ULK4: variants seen among roughly 807,000 people sequenced by gnomAD.
ULK4 encodes unc-51 like kinase 4.
In ULK4, 133 loss-of-function variants were observed where a neutral mutation model predicts 160.6. The observed-to-expected ratio is 0.83, with a 90% CI of 0.72 to 0.96. ULK4 has a LOEUF of 0.96. Ranked by LOEUF, ULK4 falls within the 40% of genes least tolerant of loss-of-function variation. The pLI is 0.00. For missense variants in ULK4, 1,580 were observed against 1,499.5 expected (o/e 1.05, Z -0.89); for synonymous variants, 534 against 539.8 (o/e 0.99, Z 0.15).
intron 17 of ULK4, among the ~76,000 whole-genome samples, chr3:41,874,495 C>T (rs1054669263): frequency 2.6e-5 from 4 of 152,146 alleles, no homozygotes; most frequent in African/African-American, 2.4e-5. Flanking sequence ...TTTTAAAGAA[C>T]TAAATCATAA....
Position 41,398,201 on chromosome 3 carries a change from G to T in ULK4, c.3556C>A (p.Leu1186Met). 1 of 1,613,366 alleles carries T rather than the reference G, an allele frequency of 6.2e-7. No homozygotes were observed. The highest frequency in any genetic ancestry group is 8.5e-7 in the Non-Finnish European group (1 of 1,179,628). ...SSKCLSILVQ[L>M]YGGENPDSLS... ...CTGTCCGGGTTTTCCCCTCCATACAGCTGAACCAGTATAGACAGGCACTTG... is the reference window on the plus strand; with the variant it reads ...CTGTCCGGGTTTTCCCCTCCATACATCTGAACCAGTATAGACAGGCACTTG... The change falls in exon 35 of 37, where the codon CTG (leucine) becomes ATG (methionine). Residue 1186 changes from leucine (L) to methionine (M), a missense_variant. Transcript: ENST00000301831.
Position 41,896,954 on chromosome 3 carries a change from T to A in ULK4, c.1398A>T (p.Gln466His). The A allele has an allele frequency of 6.2e-7, 1 of 1,613,136 alleles. No homozygotes were observed. Among genetic ancestry groups the A allele is most frequent in the Non-Finnish European group, 8.5e-7 (1 of 1,179,810 alleles). The part of the protein sequence containing the change: ...LKDQDWNDFL[Q>H]QVCSQIDSTE... Reference sequence around the variant, plus strand: ...TGGAGTCGATCTGCGAGCACACTTGTTGCAAAAAGTCATTCCAATCTTGAT... The same window carrying A: ...TGGAGTCGATCTGCGAGCACACTTGATGCAAAAAGTCATTCCAATCTTGAT... Residue 466 changes from glutamine (Q) to histidine (H), a missense_variant, in exon 15 of 37, where the codon CAA becomes CAT. Transcript: ENST00000301831.
intron 25 of ULK4, among the ~76,000 whole-genome samples, chr3:41,710,076 TA>T (rs2037039851): frequency 6.6e-6 from 1 of 152,194 alleles, no homozygotes; most frequent in Admixed American, 6.5e-5. Flanking sequence ...TGCGACTTTT[TA>T]ACCACTCACA....
chr3:41,371,351 G>GAGAT (rs1322583466), intron 35 of ULK4, among the ~76,000 whole-genome samples: 4 of 152,162 alleles, frequency 2.6e-5, no homozygotes, highest in Non-Finnish European at 5.9e-5. Flanking sequence ...TCCTGATGGG[G>GAGAT]AGATACCTCA....
intron 21 of ULK4, among the ~76,000 whole-genome samples, chr3:41,767,857 C>A (rs2039218658): frequency 6.6e-6 from 1 of 152,094 alleles, no homozygotes; most frequent in African/African-American, 2.4e-5. Context: ...AAACTTACCT[C>A]AAAGGGATGA....
At chr3:41,365,452 C>G (rs1044710073) in intron 35 of ULK4, among the ~76,000 whole-genome samples, 5 of 152,134 alleles carry the variant, frequency 3.3e-5, no homozygotes, top group Admixed American at 6.5e-5. Context: ...AATGTTTTTG[C>G]TGCAGCCAGA....
chr3:41,794,550 A>C (rs900856659), intron 20 of ULK4, among the ~76,000 whole-genome samples: 1 of 150,616 alleles, frequency 6.6e-6, no homozygotes, highest in African/African-American at 2.4e-5. Flanking sequence ...AATCTCAACT[A>C]CTTAGGAGGC....
chr3:41,877,936 G>A (rs1347159475), intron 17 of ULK4, among the ~76,000 whole-genome samples: 8 of 152,118 alleles, frequency 5.3e-5, no homozygotes, highest in East Asian at 3.9e-4. Context: ...AGCCGAGATC[G>A]CGCCGTCGCA....
At chr3:41,332,470 G>C (rs1160953643) in intron 35 of ULK4, among the ~76,000 whole-genome samples, 2 of 152,124 alleles carry the variant, frequency 1.3e-5, no homozygotes, top group Non-Finnish European at 2.9e-5. Flanking sequence ...AGTCTTGATG[G>C]GAAGCTAGAA....
chr3:41,413,762 T>C (rs1411191710), intron 34 of ULK4, among the ~76,000 whole-genome samples: 5 of 152,228 alleles, frequency 3.3e-5, no homozygotes, highest in Non-Finnish European at 7.3e-5. Context: ...TTGGTAATTA[T>C]ATTAGACTCC....
At chr3:41,467,989 A>T (rs976714799) in intron 32 of ULK4, among the ~76,000 whole-genome samples, 3 of 152,230 alleles carry the variant, frequency 2.0e-5, no homozygotes, top group African/African-American at 7.2e-5. Flanking sequence ...AAACTAGAGA[A>T]ATGCTTCAGG....
chr3:41,629,435 GT>G (rs2033661113), intron 30 of ULK4, among the ~76,000 whole-genome samples: 1 of 152,268 alleles, frequency 6.6e-6, no homozygotes, highest in East Asian at 1.9e-4. Context: ...CATCCAAGGA[GT>G]AGGCTTTCAA....
At chr3:41,763,301 C>A (rs909296830) in intron 21 of ULK4, among the ~76,000 whole-genome samples, 4 of 151,806 alleles carry the variant, frequency 2.6e-5, no homozygotes, top group African/African-American at 7.3e-5. Flanking sequence ...CAAAATGAAG[C>A]AAGAAAGGTG....
intron 5 of ULK4, among the ~76,000 whole-genome samples, chr3:41,920,656 G>A (rs1037582136): frequency 2.0e-5 from 3 of 152,064 alleles, no homozygotes; most frequent in African/African-American, 7.2e-5. Context: ...CTCCCAATGA[G>A]AATCTTTTCT....
At chr3:41,918,650 G>A (rs1487147206) in intron 6 of ULK4, 110 bp from the exon 7 acceptor site, 30 of 540,608 alleles carry the variant, frequency 5.5e-5, no homozygotes, top group Non-Finnish European at 7.9e-5. Flanking sequence ...CACCCAGGCT[G>A]GAGTGCAGTG....
intron 32 of ULK4, among the ~76,000 whole-genome samples, chr3:41,529,442 C>G (rs2086226819): frequency 6.6e-6 from 1 of 152,084 alleles, no homozygotes; most frequent in Non-Finnish European, 1.5e-5. Context: ...GTTTAAACAC[C>G]TGATGAAAAT....
chr3:41,889,295 A>G (rs1359660903), intron 16 of ULK4, among the ~76,000 whole-genome samples: 1 of 152,204 alleles, frequency 6.6e-6, no homozygotes, highest in Non-Finnish European at 1.5e-5. Flanking sequence ...CAAATTCAGA[A>G]GTATATGATA....
intron 34 of ULK4, among the ~76,000 whole-genome samples, chr3:41,450,260 T>C (rs1017721254): frequency 6.6e-6 from 1 of 152,198 alleles, no homozygotes. Flanking sequence ...TTATATCCTA[T>C]ATTAGCCATA....
intron 18 of ULK4, among the ~76,000 whole-genome samples, chr3:41,822,698 C>A (rs1008010329): frequency 6.7e-5 from 10 of 149,440 alleles, no homozygotes; most frequent in Non-Finnish European, 1.3e-4. Flanking sequence ...GGATTACAAG[C>A]ATAAGCCACC....
Sources: gnomAD v4.1 joint callset for allele counts (sites outside exome capture counted in the v4.1 genomes callset) on GRCh38, gnomAD v4.1.1 for gene constraint, MANE v1.5 for transcripts, NCBI Gene and HGNC (gene_info 2026-07-23, HGNC 2026-07-21) for gene names.